Variants in SYCP1 observed in about 807,000 individuals in gnomAD.
SYCP1 encodes the protein cancer/testis antigen 8.
SYCP1 carries 64 observed loss-of-function variants against 153.1 expected under a neutral mutation model. That is an observed-to-expected ratio of 0.42 (90% CI 0.34 to 0.51). SYCP1 has a LOEUF of 0.51. SYCP1 is among the 20% of genes least tolerant of loss of function. The pLI is 0.06. For synonymous variants in SYCP1, 384 were observed against 341.8 expected, an observed-to-expected ratio of 1.12 and a Z score of -1.36; for missense variants, 997 against 1,049.0, an observed-to-expected ratio of 0.95 and a Z score of 0.68.
At position 114,975,933 on chromosome 1, in the gene SYCP1, A is replaced by G. The variant is rs568222896; in HGVS notation, c.2323-1624A>G. ...CTTTTATTGAGTTTGTTCAAACTAT[A>G]TTCTTAGAATCTAAAAAAATGAGCA... is the stretch of plus-strand genomic sequence containing the variant. On this transcript the variant is annotated intron_variant, in intron 27 of 31. Transcript: ENST00000369522. Among the ~76,000 whole-genome samples, 10 of 151,838 alleles carry G rather than the reference A, an allele frequency of 6.6e-5. No individual in the cohort carries two copies. In the East Asian group the frequency reaches 1.9e-3, roughly 29 times the overall value.
chr1:114,896,716 T>C (rs1667081233), intron 16 of SYCP1, among the ~76,000 whole-genome samples: 1 of 152,214 alleles, frequency 6.6e-6, no homozygotes, highest in African/African-American at 2.4e-5. Flanking sequence ...TTTATAAATA[T>C]TTGTTGAATG....
intron 9 of SYCP1, 73 bp from the exon 10 acceptor site, chr1:114,875,996 G>T: frequency 1.1e-6 from 1 of 923,120 alleles, no homozygotes; most frequent in Non-Finnish European, 1.6e-6. Context: ...ATACAAATTT[G>T]GTAATATTTT....
rs1667451093 is a variant in SYCP1 at position 114,901,584 on chromosome 1, A to G, written c.1320+6075A>G. Among the ~76,000 whole-genome samples, 4 of 152,224 alleles carry G rather than the reference A, an allele frequency of 2.6e-5. No homozygotes were observed. The South Asian group carries it at 8.3e-4, about 32-fold the overall frequency. On this transcript the variant is annotated intron_variant, in intron 16 of 31. Transcript: ENST00000369522. ...TTGAACCTGGGGCCACCATTGTAAA[A>G]TGGCAAAGGCTAGAATAAAACATTG... is the stretch of plus-strand genomic sequence containing the variant.
At chr1:114,927,781 T>C (rs188995025) in intron 23 of SYCP1, among the ~76,000 whole-genome samples, 117 of 152,168 alleles carry the variant, frequency 7.7e-4, no homozygotes, top group Non-Finnish European at 1.3e-3. Flanking sequence ...AAGTGTGTAA[T>C]TGGAGTCCCC....
chr1:114,921,661 C>A (rs1468117512), intron 20 of SYCP1, among the ~76,000 whole-genome samples: 58 of 139,406 alleles, frequency 4.2e-4, no homozygotes, highest in African/African-American at 1.2e-3. Context: ...AAAAAAAAAA[C>A]AAAAACAGAT....
At position 114,944,979 on chromosome 1, in the gene SYCP1, T is replaced by C; in HGVS notation, c.2151T>C (p.His717=). ...AAATGGTAGCACTTATGGAAAAACA[T>C]AAGGTAATTTTTTTCTTCTTATATA... The part of the protein sequence containing the change: ...IAEMVALMEK[H]KHQYDKIIEE... The change falls in exon 25 of 32, where the codon CAT becomes CAC. Residue 717 remains histidine (H), a synonymous_variant. Coordinates refer to ENST00000369522, the MANE Select transcript of SYCP1 (RefSeq NM_003176.4). 3.2e-6 allele frequency: 5 copies of C among 1,569,034 alleles called. No homozygotes were observed. Among genetic ancestry groups the C allele is most frequent in the Non-Finnish European group, 4.3e-6 (5 of 1,163,098 alleles).
intron 14 of SYCP1, among the ~76,000 whole-genome samples, chr1:114,887,180 G>T (rs1666371896): frequency 6.6e-6 from 1 of 152,014 alleles, no homozygotes; most frequent in Non-Finnish European, 1.5e-5. Context: ...GGTTACCTAA[G>T]ATTCCTCTAT....
At chr1:114,929,731 T>A (rs1408037131) in intron 23 of SYCP1, among the ~76,000 whole-genome samples, 1 of 151,978 alleles carries the variant, frequency 6.6e-6, no homozygotes, top group Non-Finnish European at 1.5e-5. Flanking sequence ...AGCAAAAACT[T>A]GATAAAATGA....
intron 27 of SYCP1, among the ~76,000 whole-genome samples, chr1:114,948,728 G>T (rs374461484): frequency 6.6e-5 from 10 of 151,916 alleles, no homozygotes; most frequent in African/African-American, 2.4e-4. Context: ...CTGAGTACAG[G>T]GCTTTGAAAT....
chr1:114,881,501 A>ATCCTTCCTCCCTTCCTTCCTTCCTTCCT (rs1665926320), intron 12 of SYCP1, among the ~76,000 whole-genome samples: 1 of 102,624 alleles, frequency 9.7e-6, no homozygotes, highest in Non-Finnish European at 2.3e-5. Flanking sequence ...GGAAGGTATT[A>ATCCTTCCTCCCTTCCTTCCTTCCTTCCT]TCCTTCCTTC....
intron 30 of SYCP1, among the ~76,000 whole-genome samples, chr1:114,987,138 G>T (rs1053180346): frequency 2.0e-5 from 3 of 151,588 alleles, no homozygotes; most frequent in African/African-American, 7.3e-5. Flanking sequence ...GGCATTTAAG[G>T]ATTAGGATAT....
At chr1:114,970,489 GT>G (rs1672412414) in intron 27 of SYCP1, among the ~76,000 whole-genome samples, 1 of 150,368 alleles carries the variant, frequency 6.7e-6, no homozygotes, top group African/African-American at 2.4e-5. Flanking sequence ...ATAGAACCTT[GT>G]TTTGTCATAT....
chr1:114,928,659 T>C (rs1038180193), intron 23 of SYCP1, among the ~76,000 whole-genome samples: 2 of 152,232 alleles, frequency 1.3e-5, no homozygotes, highest in African/African-American at 2.4e-5. Context: ...ATTGCTATTA[T>C]AGAGTTTATA....
Position 114,944,347 on chromosome 1 carries a change from A to G in SYCP1, c.1935A>G (p.Lys645=), listed in dbSNP as rs753810290. 7 of 1,589,998 alleles carry G rather than the reference A, an allele frequency of 4.4e-6. No individual in the cohort carries two copies. The highest frequency in any genetic ancestry group is 6.0e-6 in the Non-Finnish European group (7 of 1,163,534). ...TTTTTCTTTACTTAAAGGTCAATAAATTAGAGTTAGAACTAGAAAGTGCCA... is the reference window on the plus strand; with the variant it reads ...TTTTTCTTTACTTAAAGGTCAATAAGTTAGAGTTAGAACTAGAAAGTGCCA... ...QLNVYEIKVN[K]LELELESAKQ... Residue 645 remains lysine, a synonymous_variant, in exon 24 of 32, where the codon AAA becomes AAG. Coordinates refer to ENST00000369522, the MANE Select transcript of SYCP1 (RefSeq NM_003176.4).
rs574810251 is a variant in SYCP1, at chr1:114,966,746, G to A, written c.2323-10811G>A. ...GCCACTGAGGCTGGAGTGCAGTGGC[G>A]CCATCTTGACTCACTGCAACCTCTG... On this transcript the variant is annotated intron_variant, in intron 27 of 31. Coordinates refer to ENST00000369522, the MANE Select transcript of SYCP1 (RefSeq NM_003176.4). Among the ~76,000 whole-genome samples, 15 of 150,354 alleles carry A rather than the reference G, an allele frequency of 1.0e-4. No individual in the cohort carries two copies. In the South Asian group the frequency reaches 2.1e-3, roughly 21 times the overall value.
At chr1:114,883,933 C>T (rs1403680689) in intron 12 of SYCP1, among the ~76,000 whole-genome samples, 2 of 152,158 alleles carry the variant, frequency 1.3e-5, no homozygotes, top group Non-Finnish European at 1.5e-5. Context: ...CCTCATGATC[C>T]ACCCGCCTCG....
chr1:114,900,532 C>T (rs935793046), intron 16 of SYCP1, among the ~76,000 whole-genome samples: 5 of 152,228 alleles, frequency 3.3e-5, no homozygotes, highest in Admixed American at 2.0e-4. Context: ...CCACCTCCCT[C>T]GGCCTCCCGA....
At chr1:114,966,805 C>T (rs1334455701) in intron 27 of SYCP1, among the ~76,000 whole-genome samples, 2 of 151,984 alleles carry the variant, frequency 1.3e-5, no homozygotes, top group African/African-American at 4.8e-5. Context: ...CTGTCTCAGC[C>T]TCCCAAGTAG....
intron 15 of SYCP1, among the ~76,000 whole-genome samples, chr1:114,892,860 A>G (rs1666816049): frequency 6.6e-6 from 1 of 151,986 alleles, no homozygotes; most frequent in Admixed American, 6.6e-5. Context: ...TTTGGGCCCC[A>G]GAGCAGGATG....
Sources: gnomAD v4.1 joint callset for allele counts (sites outside exome capture counted in the v4.1 genomes callset) on GRCh38, gnomAD v4.1.1 for gene constraint, MANE v1.5 for transcripts, NCBI Gene and HGNC (gene_info 2026-07-23, HGNC 2026-07-21) for gene names.